KIRREL3: variants seen among roughly 807,000 people sequenced by gnomAD.
KIRREL3 encodes the protein kin of IRRE-like protein 3.
KIRREL3 carries 36 observed loss-of-function variants against 89.7 expected under a neutral mutation model. That is an observed-to-expected ratio of 0.40 (90% CI 0.31 to 0.53). The LOEUF (loss-of-function observed/expected upper bound fraction) is 0.53, where lower values mean the gene tolerates loss of function less well. Ranked by LOEUF, KIRREL3 falls within the 20% of genes least tolerant of loss-of-function variation. KIRREL3 has a pLI of 0.49. For synonymous variants in KIRREL3, 445 were observed against 441.4 expected (o/e 1.01, Z -0.10); for missense variants, 864 against 1,056.6 (o/e 0.82, Z 2.53).
At position 126,521,421 on chromosome 11, in the gene KIRREL3, C is replaced by T. The variant is rs547399629; in HGVS notation, c.327G>A (p.Glu109=). The change falls in exon 4 of 17, where the codon GAG becomes GAA. Residue 109 remains glutamate, a synonymous_variant. Transcript: ENST00000525144. This position sits in a 1 kb window ranked among gnomAD's most constrained non-coding sequence, Gnocchi z 4.1. ...YLVVGNHLSG[E]HHLKILRAEL... ...CTGCCCTCAGGATCTTCAGGTGGTG[C>T]TCCCCTGACAGGTGGTTCCCTACCA... 12 of 1,577,062 alleles carry T rather than the reference C, an allele frequency of 7.6e-6. No individual in the cohort carries two copies. Among genetic ancestry groups the T allele is most frequent in the Middle Eastern group, 1.7e-4 (1 of 6,024 alleles).
At chr11:126,798,870 G>T (rs1000047661) in intron 1 of KIRREL3, among the ~76,000 whole-genome samples, 2 of 152,208 alleles carry the variant, frequency 1.3e-5, no homozygotes, top group Non-Finnish European at 2.9e-5. Flanking sequence ...GTGGCTCTGT[G>T]ATTTTAATCA....
At position 126,526,740 on chromosome 11, in the gene KIRREL3, AAGGCTCCCCTCC is replaced by A; in HGVS notation, c.134-65_134-54del. On this transcript the variant is annotated intron_variant, in intron 2 of 16. Transcript: ENST00000525144. The surrounding 1 kb of genome is among the most constrained non-coding windows in gnomAD (Gnocchi z 5.7). ...GTTATCTGCCGGCTACAGGGGCGAG[AAGGCTCCCCTCC>A]AGCTATGGAAGCAGAGCAGGGCTGG... The A allele has an allele frequency of 6.6e-7, 1 of 1,523,446 alleles. No individual in the cohort carries two copies. Among genetic ancestry groups the A allele is most frequent in the Non-Finnish European group, 8.9e-7 (1 of 1,124,562 alleles). The allele number at this position is 1,523,446 out of a possible 1,614,324, so 94.4% of individuals were successfully genotyped here.
Position 126,531,476 on chromosome 11 carries a change from C to T in KIRREL3, c.134-4789G>A, listed in dbSNP as rs1438439576. Among the ~76,000 whole-genome samples the T allele has an allele frequency of 6.6e-6, 1 of 152,022 alleles. No homozygotes were observed. Among genetic ancestry groups the T allele is most frequent in the Non-Finnish European group, 1.5e-5 (1 of 68,014 alleles). The stretch of plus-strand genomic sequence containing the variant: ...TTTCTTCCTGGGAGCTCCACAGCAC[C>T]CCCGTGCTGGCTAGTCACTAAGGTC... On this transcript the variant is annotated intron_variant, in intron 2 of 16. Coordinates refer to ENST00000525144, the MANE Select transcript of KIRREL3 (RefSeq NM_032531.4). The surrounding 1 kb of genome is among the most constrained non-coding windows in gnomAD (Gnocchi z 4.7).
At chr11:126,829,390 C>T (rs937333230) in intron 1 of KIRREL3, among the ~76,000 whole-genome samples, 4 of 152,184 alleles carry the variant, frequency 2.6e-5, no homozygotes, top group Admixed American at 6.5e-5. Context: ...ATAACTTTTG[C>T]TAATCAATCC....
At chr11:126,721,091 A>G (rs529942172) in intron 1 of KIRREL3, among the ~76,000 whole-genome samples, 40 of 152,356 alleles carry the variant, frequency 2.6e-4, no homozygotes, top group Non-Finnish European at 5.3e-4. Flanking sequence ...TTTCTGAGAC[A>G]GACTGAATGA....
rs1220675968 is a variant in KIRREL3, at chr11:126,807,605, T to C, written c.55+192850A>G. Among the ~76,000 whole-genome samples the C allele has an allele frequency of 6.6e-6, 1 of 152,222 alleles. No homozygotes were observed. Among genetic ancestry groups the C allele is most frequent in the Admixed American group, 6.5e-5 (1 of 15,278 alleles). On this transcript the variant is annotated intron_variant, in intron 1 of 16. Coordinates refer to ENST00000525144, the MANE Select transcript of KIRREL3 (RefSeq NM_032531.4). The surrounding 1 kb of genome is among the most constrained non-coding windows in gnomAD (Gnocchi z 4.3). ...GGAACCTCATGCAGGTACCCAATTATGCTGTGCCCTTCCCCATCTCCATGC... is the reference window on the plus strand; with the variant it reads ...GGAACCTCATGCAGGTACCCAATTACGCTGTGCCCTTCCCCATCTCCATGC...
chr11:126,659,108 T>C (rs1253645137), intron 1 of KIRREL3, among the ~76,000 whole-genome samples: 1 of 152,240 alleles, frequency 6.6e-6, no homozygotes. Flanking sequence ...CAGAAAATGA[T>C]ACATTTTCCC....
intron 1 of KIRREL3, among the ~76,000 whole-genome samples, chr11:126,932,785 C>T (rs972095792): frequency 6.6e-6 from 1 of 152,198 alleles, no homozygotes; most frequent in African/African-American, 2.4e-5. Flanking sequence ...ATTGTAATTG[C>T]TTGAGATTTC....
chr11:126,602,385 C>T (rs1291392266), intron 1 of KIRREL3, among the ~76,000 whole-genome samples: 1 of 152,150 alleles, frequency 6.6e-6, no homozygotes, highest in Non-Finnish European at 1.5e-5. Flanking sequence ...CCACCTGGGC[C>T]CCAGAAGCCA....
intron 13 of KIRREL3, among the ~76,000 whole-genome samples, chr11:126,434,143 G>A (rs1955234222): frequency 6.6e-6 from 1 of 152,240 alleles, no homozygotes; most frequent in Non-Finnish European, 1.5e-5. Context: ...TTGGCCTAGG[G>A]CGATGTGCAG....
intron 1 of KIRREL3, among the ~76,000 whole-genome samples, chr11:126,881,356 C>A (rs1188306031): frequency 6.6e-6 from 1 of 152,108 alleles, no homozygotes; most frequent in African/African-American, 2.4e-5. Flanking sequence ...GCAGAGCCCA[C>A]AAACGGGCTG....
At chr11:126,735,822 G>C (rs931280205) in intron 1 of KIRREL3, among the ~76,000 whole-genome samples, 1 of 152,166 alleles carries the variant, frequency 6.6e-6, no homozygotes. Context: ...CTCAGATACG[G>C]CATTTATCAT....
Position 126,705,948 on chromosome 11 carries a change from G to A in KIRREL3, c.56-143036C>T, listed in dbSNP as rs530489168. On this transcript the variant is annotated intron_variant, in intron 1 of 16. Coordinates refer to ENST00000525144, the MANE Select transcript of KIRREL3 (RefSeq NM_032531.4). The surrounding 1 kb of genome is among the most constrained non-coding windows in gnomAD (Gnocchi z 4.3). ...TCAGAATCTGGCCCCTGTGCTGTGAGAAGCCTACCCCACATGGAAATATAC... is the reference window on the plus strand; with the variant it reads ...TCAGAATCTGGCCCCTGTGCTGTGAAAAGCCTACCCCACATGGAAATATAC... Among the ~76,000 whole-genome samples the A allele has an allele frequency of 6.6e-6, 1 of 152,186 alleles. No individual in the cohort carries two copies. Among genetic ancestry groups the A allele is most frequent in the South Asian group, 2.1e-4 (1 of 4,832 alleles).
chr11:126,775,886 C>T (rs2134313004), intron 1 of KIRREL3, among the ~76,000 whole-genome samples: 1 of 152,290 alleles, frequency 6.6e-6, no homozygotes, highest in African/African-American at 2.4e-5. Context: ...TGTCCGTGCT[C>T]TTTTTGCCTG....
intron 1 of KIRREL3, among the ~76,000 whole-genome samples, chr11:126,678,009 G>A (rs568720346): frequency 1.3e-5 from 2 of 152,228 alleles, no homozygotes; most frequent in Non-Finnish European, 1.5e-5. Context: ...ATCAGGCCCT[G>A]TTACACCCAC....
Position 126,709,949 on chromosome 11 carries a change from G to T in KIRREL3, c.56-147037C>A, listed in dbSNP as rs1947693151. ...TTCTATACAGCAAGCACCAGGCTAC[G>T]CTGTGAACATTCTGCATTCATTATC... On this transcript the variant is annotated intron_variant, in intron 1 of 16. Transcript: ENST00000525144. This position sits in a 1 kb window ranked among gnomAD's most constrained non-coding sequence, Gnocchi z 4.0. Among the ~76,000 whole-genome samples the T allele has an allele frequency of 6.6e-6, 1 of 152,162 alleles. No homozygotes were observed. The highest frequency in any genetic ancestry group is 1.5e-5 in the Non-Finnish European group (1 of 68,024).
chr11:126,517,440 A>G (rs552381066), intron 4 of KIRREL3, among the ~76,000 whole-genome samples: 1 of 152,244 alleles, frequency 6.6e-6, no homozygotes, highest in African/African-American at 2.4e-5. Context: ...CTGAAGCCCA[A>G]CCAAACTGAG....
intron 11 of KIRREL3, among the ~76,000 whole-genome samples, chr11:126,438,395 A>G (rs1432521245): frequency 1.3e-5 from 2 of 152,240 alleles, no homozygotes; most frequent in East Asian, 3.8e-4. Context: ...GAGTTTCTCA[A>G]GCTTGCTGCT....
At chr11:126,779,759 G>A (rs1197772794) in intron 1 of KIRREL3, among the ~76,000 whole-genome samples, 2 of 151,478 alleles carry the variant, frequency 1.3e-5, no homozygotes, top group Non-Finnish European at 2.9e-5. Flanking sequence ...GTCCACCGTA[G>A]TTACTATTGG....
Sources: allele counts gnomAD v4.1 joint callset (sites outside exome capture counted in the v4.1 genomes callset), GRCh38; gene constraint gnomAD v4.1.1; non-coding constraint Gnocchi (gnomAD v3.1); transcripts MANE v1.5; gene names NCBI Gene and HGNC (gene_info 2026-07-23, HGNC 2026-07-21).